TANC2: variants seen among roughly 807,000 people sequenced by gnomAD.
The protein encoded by TANC2 is protein TANC2.
Under a neutral mutation model 210.5 loss-of-function variants are expected in TANC2, and 26 were observed. The ratio of observed to expected loss-of-function variants is 0.12; its 90% CI spans 0.09 to 0.17. The LOEUF (loss-of-function observed/expected upper bound fraction) is 0.17, where lower values mean the gene tolerates loss of function less well. Ranked by LOEUF, TANC2 falls within the 10% of genes least tolerant of loss-of-function variation. The probability of loss-of-function intolerance (pLI) is 1.00; values close to 1 mark genes in which losing one functional copy is unlikely to be tolerated. For synonymous variants in TANC2, 931 were observed against 967.1 expected, an observed-to-expected ratio of 0.96 and a Z score of 0.69; for missense variants, 2,129 against 2,608.9, an observed-to-expected ratio of 0.82 and a Z score of 4.01.
In TANC2 at chr17:63,412,620, TC is replaced by T; in HGVS notation, c.3899-59del. ...TGCTTTTTCCTTCTTTTTTTTTTTTTCACCTTCATCCATTTTTTTTTCCTCT... is the reference window on the plus strand; with the variant it reads ...TGCTTTTTCCTTCTTTTTTTTTTTTTACCTTCATCCATTTTTTTTTCCTCT... On this transcript the variant is annotated intron_variant, in intron 23 of 27. Coordinates refer to ENST00000689528, the Ensembl canonical transcript of TANC2. This position sits in a 1 kb window ranked among gnomAD's most constrained non-coding sequence, Gnocchi z 4.2. 6 of 1,416,316 alleles carry T rather than the reference TC, an allele frequency of 4.2e-6. No homozygotes were observed. The highest frequency in any genetic ancestry group is 2.5e-5 in the South Asian group (2 of 78,672). 87.7% of individuals were successfully genotyped at this position (1,416,316 alleles called of 1,614,324 possible).
intron 8 of TANC2, among the ~76,000 whole-genome samples, chr17:63,238,794 A>G (rs1484112235): frequency 6.6e-6 from 1 of 152,210 alleles, no homozygotes; most frequent in African/African-American, 2.4e-5. Flanking sequence ...TAATCATGGC[A>G]GAAGGCAAAG....
At chr17:63,223,126 T>G (rs1426559669) in intron 7 of TANC2, among the ~76,000 whole-genome samples, 1 of 152,034 alleles carries the variant, frequency 6.6e-6, no homozygotes, top group Non-Finnish European at 1.5e-5. Flanking sequence ...TTTGAGGGGG[T>G]GGGCATGATA....
chr17:63,183,823 C>T (rs2040876791), intron 5 of TANC2, among the ~76,000 whole-genome samples: 7 of 152,150 alleles, frequency 4.6e-5, no homozygotes, highest in Admixed American at 4.6e-4. Flanking sequence ...TGAGACCATC[C>T]TGGCTAACAC....
At chr17:63,402,790 G>A (rs1408857884) in intron 19 of TANC2, among the ~76,000 whole-genome samples, 2 of 152,254 alleles carry the variant, frequency 1.3e-5, no homozygotes, top group Admixed American at 1.3e-4. Context: ...TCTGTTTGCA[G>A]TTTGGTGTTT....
chr17:63,055,959 C>A (rs2035760036), intron 2 of TANC2, among the ~76,000 whole-genome samples: 1 of 71,778 alleles, frequency 1.4e-5, no homozygotes, highest in Non-Finnish European at 2.7e-5. Context: ...GAGACCTCAT[C>A]TCTACCAAAA....
chr17:63,392,007 G>A (rs1022042442), intron 17 of TANC2, among the ~76,000 whole-genome samples: 14 of 152,142 alleles, frequency 9.2e-5, no homozygotes, highest in Non-Finnish European at 1.6e-4. Flanking sequence ...GATTACAGGC[G>A]TGAGCCACCG....
chr17:63,294,483 A>T (rs984611702), intron 9 of TANC2, among the ~76,000 whole-genome samples: 6 of 152,178 alleles, frequency 3.9e-5, no homozygotes, highest in African/African-American at 1.4e-4. Context: ...GTCTTGAAAA[A>T]AAAACAAAAA....
rs138723757 is a variant in TANC2, at chr17:63,171,445, C to G, written c.433+20065C>G. 4.1e-4 allele frequency among the ~76,000 whole-genome samples: 62 copies of G among 152,198 alleles called. 1 individual carries two copies. In the East Asian group the frequency reaches 0.01, roughly 25 times the overall value. Reference sequence around the variant, plus strand: ...ATTATTATTTTCTGCTTTTATATTACCTTCTACAGTAGTCACAATAGTTAC... The same window carrying G: ...ATTATTATTTTCTGCTTTTATATTAGCTTCTACAGTAGTCACAATAGTTAC... On this transcript the variant is annotated intron_variant, in intron 5 of 27. Transcript: ENST00000689528.
In TANC2 at chr17:63,035,393, C is replaced by T. The variant is rs137941927; in HGVS notation, c.67+25767C>T. On this transcript the variant is annotated intron_variant, in intron 2 of 27. Transcript: ENST00000689528. ...GAAATTTGTGTGACTCGCTTTATTG[C>T]GATCTTCATTTTCTTGCAGTGGTCT... Among the ~76,000 whole-genome samples, 7 of 152,240 alleles carry T rather than the reference C, an allele frequency of 4.6e-5. No homozygotes were observed. In the East Asian group the frequency reaches 7.7e-4, roughly 17 times the overall value.
At chr17:63,392,656 T>C (rs2048018860) in intron 17 of TANC2, among the ~76,000 whole-genome samples, 1 of 152,196 alleles carries the variant, frequency 6.6e-6, no homozygotes, top group African/African-American at 2.4e-5. Flanking sequence ...GAAGTAATTT[T>C]AGACTTTCAA....
At chr17:63,135,979 A>G (rs752106133) in intron 4 of TANC2, among the ~76,000 whole-genome samples, 1 of 152,244 alleles carries the variant, frequency 6.6e-6, no homozygotes, top group Non-Finnish European at 1.5e-5. Context: ...CAAAAATAAT[A>G]AAATAGGTAA....
intron 4 of TANC2, among the ~76,000 whole-genome samples, chr17:63,144,082 C>CT (rs2039383025): frequency 1.3e-5 from 2 of 152,096 alleles, no homozygotes; most frequent in African/African-American, 4.8e-5. Context: ...GCTCTGTATT[C>CT]TTTATGGTAT....
chr17:63,042,619 A>G (rs2035233154), intron 2 of TANC2, among the ~76,000 whole-genome samples: 1 of 152,186 alleles, frequency 6.6e-6, no homozygotes. Flanking sequence ...ATACTCGATT[A>G]CAGCATGAAA....
At chr17:63,396,018 C>T in intron 18 of TANC2, 90 bp downstream of exon 18, 4 of 1,246,760 alleles carry the variant, frequency 3.2e-6, no homozygotes, top group Non-Finnish European at 1.1e-6. Flanking sequence ...GACAAAATTG[C>T]CAACCAAATT....
At chr17:63,121,261 C>T (rs2038464066) in intron 4 of TANC2, among the ~76,000 whole-genome samples, 1 of 152,246 alleles carries the variant, frequency 6.6e-6, no homozygotes, top group African/African-American at 2.4e-5. Flanking sequence ...CCACTGTAAA[C>T]TTTGCAGCTT....
intron 11 of TANC2, among the ~76,000 whole-genome samples, chr17:63,325,314 T>G (rs1011243345): frequency 1.3e-5 from 2 of 152,220 alleles, no homozygotes; most frequent in Non-Finnish European, 2.9e-5. Flanking sequence ...TAAAATTGAT[T>G]TCAGTTCCTT....
In TANC2 at chr17:63,162,031, G is replaced by A. The variant is rs566272748; in HGVS notation, c.433+10651G>A. On this transcript the variant is annotated intron_variant, in intron 5 of 27. Coordinates refer to ENST00000689528, the Ensembl canonical transcript of TANC2. ...GCAGAAATTTGATTGCAGGCTGGGC[G>A]CGGTGGCTCATGCTTGTAATTGCAG... Among the ~76,000 whole-genome samples, 75 of 152,270 alleles carry A rather than the reference G, an allele frequency of 4.9e-4. 2 individuals are homozygous for A. The South Asian group carries it at 0.015, about 30-fold the overall frequency.
chr17:63,140,146 A>G (rs1231003627), intron 4 of TANC2, among the ~76,000 whole-genome samples: 2 of 152,226 alleles, frequency 1.3e-5, no homozygotes, highest in East Asian at 3.8e-4. Context: ...TAATCTGGCT[A>G]CTTAAACCTT....
intron 7 of TANC2, among the ~76,000 whole-genome samples, chr17:63,208,090 T>C (rs368033020): frequency 6.6e-4 from 101 of 152,298 alleles, no homozygotes; most frequent in African/African-American, 2.4e-3. Context: ...CCTTACAGAT[T>C]TGAAGGAAAT....
Sources: gnomAD v4.1 joint callset for allele counts (sites outside exome capture counted in the v4.1 genomes callset) on GRCh38, gnomAD v4.1.1 for gene constraint, Gnocchi (gnomAD v3.1) non-coding constraint, MANE v1.5 for transcripts, NCBI Gene and HGNC (gene_info 2026-07-23, HGNC 2026-07-21) for gene names.